Variants in TMEM94 observed in about 807,000 individuals in gnomAD.
TMEM94 encodes the protein ER Mg2+ ATPase.
Under a neutral mutation model 158.6 loss-of-function variants are expected in TMEM94, and 81 were observed. The observed-to-expected ratio is 0.51, with a 90% CI of 0.43 to 0.61. The LOEUF (loss-of-function observed/expected upper bound fraction) is 0.61, where lower values mean the gene tolerates loss of function less well. Ranked by LOEUF, TMEM94 falls within the 20% of genes least tolerant of loss-of-function variation. TMEM94 has a pLI of 0.00. For missense variants in TMEM94, 1,435 were observed against 1,762.0 expected, an observed-to-expected ratio of 0.81 and a Z score of 3.32; for synonymous variants, 751 against 730.7, an observed-to-expected ratio of 1.03 and a Z score of -0.45.
intron 1 of TMEM94, among the ~76,000 whole-genome samples, chr17:75,468,887 TAGTC>T (rs2050399000): frequency 6.6e-6 from 1 of 152,172 alleles, no homozygotes; most frequent in Admixed American, 6.5e-5. Context: ...AGAGCTGTCT[TAGTC>T]AGTAGGTTAG....
At chr17:75,479,171 A>G (rs1280757462) in intron 2 of TMEM94, among the ~76,000 whole-genome samples, 1 of 152,116 alleles carries the variant, frequency 6.6e-6, no homozygotes, top group Non-Finnish European at 1.5e-5. Flanking sequence ...CTGAGGCACA[A>G]TGAGCAAGAA....
rs1200028416 is a variant in TMEM94, at chr17:75,486,313, C to T, written c.296C>T (p.Ala99Val). The T allele has an allele frequency of 1.2e-6, 2 of 1,614,068 alleles. No homozygotes were observed. Among genetic ancestry groups the T allele is most frequent in the Non-Finnish European group, 1.7e-6 (2 of 1,180,012 alleles). ...AGCCGTGGGGTGGGGCTGGTGAATG[C>T]CTCGGCCTTGTTCCTGTTACTGCTT... ...AGSRGVGLVNASALFLLLLLN... is the reference protein window; with the variant it reads ...AGSRGVGLVNVSALFLLLLLN... Residue 99 changes from alanine to valine, a missense_variant, in exon 5 of 32, where the codon GCC (alanine) becomes GTC (valine). Around this residue, in one of 3 missense-constraint regions of TMEM94, gnomAD observed 1,051 missense variants for 1,254.4 expected, o/e 0.84. Transcript: ENST00000314256.
chr17:75,480,543 G>A (rs983574401), intron 2 of TMEM94, among the ~76,000 whole-genome samples: 1 of 152,206 alleles, frequency 6.6e-6, no homozygotes, highest in Non-Finnish European at 1.5e-5. Flanking sequence ...GGGTGAGGAG[G>A]TCTTGGCTGC....
At chr17:75,494,265 T>C (rs1165423956) in intron 18 of TMEM94, among the ~76,000 whole-genome samples, 1 of 152,164 alleles carries the variant, frequency 6.6e-6, no homozygotes, top group Non-Finnish European at 1.5e-5. Flanking sequence ...ACCCTGCTGG[T>C]GCAGAGGGGC....
At chr17:75,484,501 C>T (rs942605945) in intron 2 of TMEM94, among the ~76,000 whole-genome samples, 3 of 151,920 alleles carry the variant, frequency 2.0e-5, no homozygotes, top group Non-Finnish European at 2.9e-5. Flanking sequence ...TGAGCCCAAG[C>T]AATCCTCCTG....
intron 7 of TMEM94, 45 bp downstream of exon 7, chr17:75,488,955 G>A (rs777719844): frequency 6.9e-5 from 105 of 1,521,526 alleles, no homozygotes; most frequent in Non-Finnish European, 9.1e-5. Context: ...TGTCTTCTGT[G>A]AAGAGGGGAA....
intron 1 of TMEM94, among the ~76,000 whole-genome samples, chr17:75,470,056 A>G (rs770234419): frequency 6.6e-6 from 1 of 152,088 alleles, no homozygotes; most frequent in African/African-American, 2.4e-5. Flanking sequence ...CTGGGCAATA[A>G]GAGTGAAACT....
rs1347334878 is a variant in TMEM94 at position 75,486,271 on chromosome 17, C to T, written c.273-19C>T. 1.9e-6 allele frequency: 3 copies of T among 1,613,512 alleles called. No individual in the cohort carries two copies. Among genetic ancestry groups the T allele is most frequent in the Non-Finnish European group, 2.5e-6 (3 of 1,179,662 alleles). On this transcript the variant is annotated intron_variant, in intron 4 of 31. Coordinates refer to ENST00000314256, the MANE Select transcript of TMEM94 (RefSeq NM_014738.6). ...AGCCCTCACTCCCTGTGGGTGCGGCCTCTCTTTCCTCCCACCAGCCGTGGG... is the reference window on the plus strand; with the variant it reads ...AGCCCTCACTCCCTGTGGGTGCGGCTTCTCTTTCCTCCCACCAGCCGTGGG...
intron 1 of TMEM94, among the ~76,000 whole-genome samples, chr17:75,461,997 TTTTGTTTTGTTTTG>T (rs1399772733): frequency 4.7e-4 from 34 of 72,038 alleles, no homozygotes; most frequent in African/African-American, 1.4e-3. Flanking sequence ...GTTTTTTTTG[TTTTGTTTTGTTTTG>T]TTTTTTTTTT....
chr17:75,491,473 GC>G lies in TMEM94; in HGVS notation c.1386+20del. 1 of 1,613,894 alleles carries G rather than the reference GC, an allele frequency of 6.2e-7. No homozygotes were observed. The highest frequency in any genetic ancestry group is 1.7e-5 in the Admixed American group (1 of 60,028). On this transcript the variant is annotated intron_variant, in intron 13 of 31. Coordinates refer to ENST00000314256, the MANE Select transcript of TMEM94 (RefSeq NM_014738.6). The surrounding 1 kb of genome is among the most constrained non-coding windows in gnomAD (Gnocchi z 5.1). ...ATCCCGAGGTAGAGGAGGAGGTACG[GC>G]CGGCTCCCATGGGCCCGACTCTGGG... is the stretch of plus-strand genomic sequence containing the variant.
chr17:75,492,234 T>A lies in TMEM94; in HGVS notation c.1597-240T>A. 1.4e-6 allele frequency: 2 copies of A among 1,419,782 alleles called. No homozygotes were observed. Among genetic ancestry groups the A allele is most frequent in the Non-Finnish European group, 1.8e-6 (2 of 1,092,272 alleles). The allele number at this position is 1,419,782 out of a possible 1,614,324, so 87.9% of individuals were successfully genotyped here. On this transcript the variant is annotated intron_variant, in intron 14 of 31. Transcript: ENST00000314256. This position sits in a 1 kb window ranked among gnomAD's most constrained non-coding sequence, Gnocchi z 4.4. ...CCTCTTTGGTCTGGCCACCCCTCTTTTTAGCTCCTGCCAGTGTCATGAGAT... is the reference window on the plus strand; with the variant it reads ...CCTCTTTGGTCTGGCCACCCCTCTTATTAGCTCCTGCCAGTGTCATGAGAT...
intron 24 of TMEM94, 69 bp from the exon 25 acceptor site, chr17:75,496,659 AGT>A: frequency 6.6e-7 from 1 of 1,514,820 alleles, no homozygotes; most frequent in Non-Finnish European, 9.2e-7. Context: ...TCTTGGCTAA[AGT>A]GTGTCAGCTG....
At chr17:75,458,225 GT>G (rs2145946545) in intron 1 of TMEM94, among the ~76,000 whole-genome samples, 1 of 152,224 alleles carries the variant, frequency 6.6e-6, no homozygotes, top group African/African-American at 2.4e-5. Flanking sequence ...CAGGAACAGC[GT>G]GGAGGCAGAA....
intron 1 of TMEM94, among the ~76,000 whole-genome samples, chr17:75,463,127 CGT>C (rs1491296746): frequency 0.083 from 155 of 1,872 alleles, 12 homozygotes; most frequent in African/African-American, 0.29. Context: ...TATATATATA[CGT>C]GTATATATGT....
At chr17:75,465,006 T>C (rs2050253046) in intron 1 of TMEM94, among the ~76,000 whole-genome samples, 1 of 151,842 alleles carries the variant, frequency 6.6e-6, no homozygotes, top group South Asian at 2.1e-4. Context: ...GCTCTTTTTG[T>C]TGTTGTTGTT....
At chr17:75,493,166 G>A in intron 16 of TMEM94, 64 bp downstream of exon 16, 1 of 1,532,678 alleles carries the variant, frequency 6.5e-7, no homozygotes. Flanking sequence ...GGGGGGCTCT[G>A]CCCAGCCCCA....
At chr17:75,474,327 G>A (rs2050596886) in intron 2 of TMEM94, among the ~76,000 whole-genome samples, 1 of 152,120 alleles carries the variant, frequency 6.6e-6, no homozygotes, top group African/African-American at 2.4e-5. Flanking sequence ...CCAAAATGGT[G>A]AAACCCTGTC....
rs1464099006 is a variant in TMEM94 at position 75,485,863 on chromosome 17, C to A, written c.145-8C>A. The A allele has an allele frequency of 6.2e-7, 1 of 1,607,220 alleles. No homozygotes were observed. Among genetic ancestry groups the A allele is most frequent in the South Asian group, 1.1e-5 (1 of 90,116 alleles). ...TCTCATTGTCCCCTCCCTGTCCGAACTTCCCAGGAGGTGTGGAGAAGCAGC... is the reference window on the plus strand; with the variant it reads ...TCTCATTGTCCCCTCCCTGTCCGAAATTCCCAGGAGGTGTGGAGAAGCAGC... On this transcript the variant is annotated splice_region_variant and splice_polypyrimidine_tract_variant and intron_variant, in intron 3 of 31. Coordinates refer to ENST00000314256, the MANE Select transcript of TMEM94 (RefSeq NM_014738.6). This position sits in a 1 kb window ranked among gnomAD's most constrained non-coding sequence, Gnocchi z 5.5.
In TMEM94 at chr17:75,477,687, G is replaced by A. The variant is rs1217364654; in HGVS notation, c.24+5758G>A. ...TGGAGTAGGAAGGAGAGCAGCTGCT[G>A]TGCCCAGAACGTCGTGCAGGAGCTG... On this transcript the variant is annotated intron_variant, in intron 2 of 31. Coordinates refer to ENST00000314256, the MANE Select transcript of TMEM94 (RefSeq NM_014738.6). Among the ~76,000 whole-genome samples, 6 of 152,116 alleles carry A rather than the reference G, an allele frequency of 3.9e-5. No homozygotes were observed. The South Asian group carries it at 1.0e-3, about 26-fold the overall frequency.
Sources: allele counts gnomAD v4.1 joint callset (sites outside exome capture counted in the v4.1 genomes callset), GRCh38; gene constraint gnomAD v4.1.1; regional missense constraint gnomAD v4.1.1; non-coding constraint Gnocchi (gnomAD v3.1); transcripts MANE v1.5; gene names NCBI Gene and HGNC (gene_info 2026-07-23, HGNC 2026-07-21).